DCAF8L2: variants seen among roughly 807,000 people sequenced by gnomAD.
DCAF8L2 encodes DDB1 and CUL4 associated factor 8 like 2, also known as DDB1- and CUL4-associated factor 8-like protein 2.
For missense variants in DCAF8L2, 430 were observed against 490.7 expected (o/e 0.88, Z 1.17); for synonymous variants, 200 against 190.9 (o/e 1.05, Z -0.39).
the DCAF8L2 span, among the ~76,000 whole-genome samples, chrX:27,486,255 C>A: frequency 9.1e-6 from 1 of 110,054 alleles, no homozygotes; most frequent in African/African-American, 3.3e-5. Context: ...ATCCACCCAC[C>A]TCGGCCTCCC....
chrX:27,569,507 G>T, the DCAF8L2 span, among the ~76,000 whole-genome samples: 1 of 111,687 alleles, frequency 9.0e-6, no homozygotes, highest in Admixed American at 9.5e-5. Flanking sequence ...ATTCTTCATT[G>T]ACTTTATTAT....
At chrX:27,530,066 T>A in the DCAF8L2 span, among the ~76,000 whole-genome samples, 1 of 111,612 alleles carries the variant, frequency 9.0e-6, no homozygotes, top group East Asian at 2.8e-4. Context: ...ACAGACAAAA[T>A]CACATTTGGT....
At chrX:27,627,179 T>G (rs1054305896) in intron 1 of DCAF8L2, among the ~76,000 whole-genome samples, 9 of 110,740 alleles carry the variant, frequency 8.1e-5, no homozygotes, top group Non-Finnish European at 1.5e-4. Flanking sequence ...TTGTGTTTTC[T>G]CTCTTATTAT....
chrX:27,567,275 C>A, the DCAF8L2 span, among the ~76,000 whole-genome samples: 2 of 108,906 alleles, frequency 1.8e-5, no homozygotes, highest in Non-Finnish European at 3.8e-5. Flanking sequence ...TCAGCTGTTT[C>A]TTTATTGATT....
At chrX:27,632,337 C>A (rs1467943527) in intron 2 of DCAF8L2, 1 of 111,021 alleles carries the variant, frequency 9.0e-6, no homozygotes, top group Non-Finnish European at 1.9e-5. Context: ...GATGTCTCTC[C>A]CCAGTATGGT....
At chrX:27,514,260 T>G in the DCAF8L2 span, among the ~76,000 whole-genome samples, 23 of 37,032 alleles carry the variant, frequency 6.2e-4, 1 homozygote, top group African/African-American at 1.1e-3. Flanking sequence ...TACATATATG[T>G]GTGCATATGT....
the DCAF8L2 span, among the ~76,000 whole-genome samples, chrX:27,514,213 T>C: frequency 4.1e-5 from 3 of 73,708 alleles, no homozygotes; most frequent in African/African-American, 1.4e-4. Flanking sequence ...CATGTATGTG[T>C]GCTATGTACC....
intron 2 of DCAF8L2, among the ~76,000 whole-genome samples, chrX:27,660,516 T>G (rs996587991): frequency 1.8e-5 from 2 of 111,824 alleles, no homozygotes; most frequent in Non-Finnish European, 3.8e-5. Flanking sequence ...TCAGTTGTAA[T>G]TAACATTGGT....
intron 3 of DCAF8L2, among the ~76,000 whole-genome samples, chrX:27,715,818 TA>T (rs1240131841): frequency 3.6e-5 from 4 of 112,103 alleles, no homozygotes; most frequent in Non-Finnish European, 7.5e-5. Flanking sequence ...TACAAGTACA[TA>T]AGACTTTCAG....
the DCAF8L2 span, among the ~76,000 whole-genome samples, chrX:27,514,708 AC>A: frequency 1.3e-4 from 11 of 86,702 alleles, 1 homozygote; most frequent in African/African-American, 5.3e-4. Context: ...AAAAAAAAAA[AC>A]AGAGTGAAAT....
the DCAF8L2 span, among the ~76,000 whole-genome samples, chrX:27,531,203 C>G: frequency 9.0e-6 from 1 of 111,626 alleles, no homozygotes; most frequent in Non-Finnish European, 1.9e-5. Flanking sequence ...CTGGGGAGGC[C>G]TCACAATCAT....
chrX:27,673,674 TG>T (rs1930040847), intron 2 of DCAF8L2, among the ~76,000 whole-genome samples: 1 of 108,954 alleles, frequency 9.2e-6, no homozygotes, highest in Non-Finnish European at 1.9e-5. Flanking sequence ...AATATACATA[TG>T]TGTGTGTATA....
the DCAF8L2 span, among the ~76,000 whole-genome samples, chrX:27,533,234 G>GAAAGAA: frequency 5.9e-5 from 2 of 33,738 alleles, no homozygotes; most frequent in East Asian, 2.2e-3. Flanking sequence ...AAGAAAGAAA[G>GAAAGAA]AGAAAGAAAG....
At chrX:27,637,718 A>G (rs1215842809) in intron 2 of DCAF8L2, among the ~76,000 whole-genome samples, 1 of 110,986 alleles carries the variant, frequency 9.0e-6, no homozygotes, top group Non-Finnish European at 1.9e-5. Context: ...TTTATGAATA[A>G]AAGGGGGCTC....
the DCAF8L2 span, among the ~76,000 whole-genome samples, chrX:27,483,758 C>T: frequency 9.0e-6 from 1 of 110,523 alleles, no homozygotes; most frequent in Admixed American, 9.8e-5. Context: ...ATTTATACAC[C>T]AATTTTAAGT....
At chrX:27,693,844 A>G (rs1050628206) in intron 3 of DCAF8L2, among the ~76,000 whole-genome samples, 4 of 112,293 alleles carry the variant, frequency 3.6e-5, no homozygotes, top group Admixed American at 9.5e-5. Flanking sequence ...CATTCAACCC[A>G]GAAATCCCAT....
the DCAF8L2 span, among the ~76,000 whole-genome samples, chrX:27,483,770 T>C: frequency 9.0e-6 from 1 of 111,106 alleles, no homozygotes; most frequent in African/African-American, 3.3e-5. Context: ...ATTTTAAGTT[T>C]TGAGATGTCA....
chrX:27,730,691 T>G (rs1406555728), intron 4 of DCAF8L2, among the ~76,000 whole-genome samples: 1 of 105,927 alleles, frequency 9.4e-6, no homozygotes, highest in Non-Finnish European at 1.9e-5. Context: ...GTGCTAGGAT[T>G]ACAGCTGCGC....
intron 3 of DCAF8L2, among the ~76,000 whole-genome samples, chrX:27,712,012 C>A (rs1931550411): frequency 9.0e-6 from 1 of 111,207 alleles, no homozygotes; most frequent in African/African-American, 3.3e-5. Flanking sequence ...CCTTTATTAT[C>A]CTTTTAATAG....
Sources: allele counts gnomAD v4.1 joint callset (sites outside exome capture counted in the v4.1 genomes callset), GRCh38; gene constraint gnomAD v4.1.1; transcripts MANE v1.5; gene names NCBI Gene and HGNC (gene_info 2026-07-23, HGNC 2026-07-21).